The following VWA8 variants were observed in gnomAD, a reference collection of about 807,000 sequenced individuals.
VWA8 encodes the protein von Willebrand factor A domain containing 8, also known as von Willebrand factor A domain-containing protein 8.
VWA8 carries 221 observed loss-of-function variants against 241.5 expected under a neutral mutation model. The ratio of observed to expected loss-of-function variants is 0.91; its 90% confidence interval spans 0.82 to 1.02. The LOEUF (loss-of-function observed/expected upper bound fraction) is 1.02, where lower values mean the gene tolerates loss of function less well. Ranked by LOEUF, VWA8 falls within the 50% of genes least tolerant of loss-of-function variation. VWA8 has a pLI of 0.00. For synonymous variants in VWA8, 852 were observed against 827.1 expected, an observed-to-expected ratio of 1.03 and a Z score of -0.52; for missense variants, 2,322 against 2,328.7, an observed-to-expected ratio of 1.00 and a Z score of 0.06.
At chr13:41,960,705 G>C (rs945668847) in intron 1 of VWA8, 148 bp downstream of exon 1, 6 of 1,183,842 alleles carry the variant, frequency 5.1e-6, no homozygotes, top group South Asian at 3.5e-5. Context: ...CGCCGAGGTC[G>C]GGACTAGAAC....
Position 41,570,510 on chromosome 13 carries a change from G to T in VWA8, c.5567C>A (p.Ala1856Asp). ...QILTRDPQVN[A>D]FAIFIGSLGD... The stretch of plus-strand genomic sequence containing the variant: ...TAAAGAGCCAATAAAAATGGCAAAA[G>T]CATTTACTTGAGGGTCTCTTGTGAG... The change falls in exon 44 of 45, where the codon GCT becomes GAT. Residue 1856 changes from alanine to aspartate, a missense_variant. Ala to Asp is a moderately radical substitution (Grantham distance 126, BLOSUM62 -2). Transcript: ENST00000379310. 2 of 1,614,166 alleles carry T rather than the reference G, an allele frequency of 1.2e-6. No homozygotes were observed. Among genetic ancestry groups the T allele is most frequent in the Non-Finnish European group, 1.7e-6 (2 of 1,180,020 alleles).
chr13:41,575,964 G>T, intron 42 of VWA8, 126 bp from the exon 43 acceptor site: 1 of 617,548 alleles, frequency 1.6e-6, no homozygotes, highest in Non-Finnish European at 2.8e-6. Context: ...ATAAAGAAAT[G>T]CAGTGAGACA....
At position 41,947,942 on chromosome 13, in the gene VWA8, AAAAAAAAAAAACAAAAC is replaced by A. The variant is rs997297550; in HGVS notation, c.241+1977_241+1993del. Among the ~76,000 whole-genome samples, 6 of 148,382 alleles carry A rather than the reference AAAAAAAAAAAACAAAAC, an allele frequency of 4.0e-5. 1 individual carries two copies. The highest frequency in any genetic ancestry group is 2.0e-4 in the Admixed American group (3 of 14,746). ...GTGAGACCCTGTCTCAAAAAAAAAA[AAAAAAAAAAAACAAAAC>A]AAAACATTTTGGTAATTCCTTGAAA... is the stretch of plus-strand genomic sequence containing the variant. On this transcript the variant is annotated intron_variant, in intron 2 of 44. Coordinates refer to ENST00000379310, the MANE Select transcript of VWA8 (RefSeq NM_015058.2).
At chr13:41,569,968 T>C (rs1476726614) in intron 44 of VWA8, among the ~76,000 whole-genome samples, 2 of 152,026 alleles carry the variant, frequency 1.3e-5, no homozygotes, top group Non-Finnish European at 2.9e-5. Flanking sequence ...AGTGTGTCTA[T>C]ATATATATAC....
intron 22 of VWA8, 127 bp from the exon 23 acceptor site, chr13:41,729,804 C>G (rs1369547487): frequency 2.8e-6 from 1 of 363,552 alleles, no homozygotes; most frequent in South Asian, 6.8e-5. Context: ...CGTAGACACA[C>G]ACACACACAC....
chr13:41,937,096 G>A (rs537263062), intron 2 of VWA8, among the ~76,000 whole-genome samples: 20 of 152,214 alleles, frequency 1.3e-4, no homozygotes, highest in African/African-American at 4.8e-4. Flanking sequence ...TGCTGTATAG[G>A]TTTGTACCCT....
intron 42 of VWA8, 64 bp downstream of exon 42, chr13:41,587,448 T>G: frequency 6.3e-7 from 1 of 1,593,146 alleles, no homozygotes; most frequent in Non-Finnish European, 8.6e-7. Context: ...GGATGGAGTT[T>G]GAATCCACCT....
chr13:41,859,808 C>T (rs1166717917), intron 12 of VWA8, among the ~76,000 whole-genome samples: 1 of 152,072 alleles, frequency 6.6e-6, no homozygotes, highest in Admixed American at 6.5e-5. Flanking sequence ...AAATGCAGTC[C>T]TAAAAATAAT....
chr13:41,863,130 T>A (rs1454879554), intron 12 of VWA8, among the ~76,000 whole-genome samples: 1 of 151,974 alleles, frequency 6.6e-6, no homozygotes, highest in East Asian at 1.9e-4. Context: ...GGGCATCATC[T>A]AATCAGCTGC....
intron 12 of VWA8, among the ~76,000 whole-genome samples, chr13:41,863,899 G>A (rs1185601100): frequency 1.8e-4 from 27 of 152,056 alleles, no homozygotes; most frequent in Non-Finnish European, 1.3e-4. Context: ...AAACTTCAGT[G>A]ACATACAATT....
intron 42 of VWA8, among the ~76,000 whole-genome samples, chr13:41,585,447 T>A (rs1329933070): frequency 6.6e-6 from 1 of 152,212 alleles, no homozygotes; most frequent in Admixed American, 6.5e-5. Flanking sequence ...GTATTTCACA[T>A]GTCAGAGCAG....
Position 41,934,898 on chromosome 13 carries a change from T to C in VWA8, c.241+15038A>G, listed in dbSNP as rs146899585. On this transcript the variant is annotated intron_variant, in intron 2 of 44. Coordinates refer to ENST00000379310, the MANE Select transcript of VWA8 (RefSeq NM_015058.2). ...TTCTAAATATGTGCAGTGTATTGCA[T>C]GTCAGTTATACCTAATAATACTGTT... Among the ~76,000 whole-genome samples, 61 of 152,208 alleles carry C rather than the reference T, an allele frequency of 4.0e-4. 1 individual carries two copies. In the East Asian group the frequency reaches 0.011, roughly 26 times the overall value.
chr13:41,574,592 CA>C (rs967208582), intron 43 of VWA8, among the ~76,000 whole-genome samples: 22 of 151,906 alleles, frequency 1.4e-4, no homozygotes, highest in African/African-American at 5.1e-4. Context: ...CACGTGGAAC[CA>C]AAAAAGAGCC....
intron 4 of VWA8, among the ~76,000 whole-genome samples, chr13:41,894,570 G>A (rs1370916323): frequency 6.6e-6 from 1 of 152,208 alleles, no homozygotes; most frequent in South Asian, 2.1e-4. Flanking sequence ...CACCACAGTA[G>A]TAACTGCTGC....
chr13:41,701,343 TA>T, intron 28 of VWA8, 48 bp downstream of exon 28: 2 of 1,478,912 alleles, frequency 1.4e-6, no homozygotes, highest in South Asian at 1.5e-5. Flanking sequence ...ATCCATCTTT[TA>T]AAAAAACATG....
At chr13:41,942,698 AG>A (rs1476206504) in intron 2 of VWA8, among the ~76,000 whole-genome samples, 12 of 152,180 alleles carry the variant, frequency 7.9e-5, no homozygotes. Flanking sequence ...TTCCTCCTGA[AG>A]CATGCTGGAC....
chr13:41,658,496 T>C (rs1370895553), intron 37 of VWA8, among the ~76,000 whole-genome samples: 1 of 152,244 alleles, frequency 6.6e-6, no homozygotes, highest in Non-Finnish European at 1.5e-5. Context: ...CTGAACACAG[T>C]CACGATTACC....
intron 24 of VWA8, among the ~76,000 whole-genome samples, chr13:41,721,861 C>A (rs1015429419): frequency 1.3e-5 from 2 of 152,136 alleles, no homozygotes; most frequent in African/African-American, 4.8e-5. Context: ...AAAAAAAATT[C>A]TCCTTTAAGT....
At chr13:41,792,369 T>C (rs1021262507) in intron 17 of VWA8, among the ~76,000 whole-genome samples, 4 of 151,954 alleles carry the variant, frequency 2.6e-5, no homozygotes, top group Non-Finnish European at 5.9e-5. Context: ...TTTATAACCA[T>C]GTATTGACAA....
Sources: gnomAD v4.1 joint callset for allele counts (sites outside exome capture counted in the v4.1 genomes callset) on GRCh38, gnomAD v4.1.1 for gene constraint, MANE v1.5 for transcripts, NCBI Gene and HGNC (gene_info 2026-07-23, HGNC 2026-07-21) for gene names.